Variants in SNCAIP observed in about 807,000 individuals in gnomAD.
SNCAIP encodes synuclein alpha interacting protein.
SNCAIP carries 43 observed loss-of-function variants against 86.7 expected under a neutral mutation model. The observed-to-expected ratio is 0.50, with a 90% confidence interval of 0.39 to 0.64. SNCAIP has a LOEUF of 0.64. Ranked by LOEUF, SNCAIP falls within the 30% of genes least tolerant of loss-of-function variation. SNCAIP has a pLI of 0.00. For synonymous variants in SNCAIP, 417 were observed against 427.2 expected, an observed-to-expected ratio of 0.98 and a Z score of 0.29; for missense variants, 981 against 1,103.1, an observed-to-expected ratio of 0.89 and a Z score of 1.57.
chr5:122,385,518 A>T (rs564920166), intron 1 of SNCAIP, among the ~76,000 whole-genome samples: 7 of 152,216 alleles, frequency 4.6e-5, no homozygotes, highest in Non-Finnish European at 1.0e-4. Flanking sequence ...TACTGAGCCA[A>T]CTGGGGACAA....
chr5:122,405,327 C>T (rs1772740779), intron 3 of SNCAIP, among the ~76,000 whole-genome samples: 1 of 152,168 alleles, frequency 6.6e-6, no homozygotes, highest in South Asian at 2.1e-4. Context: ...ACTTTGCAGA[C>T]ACAAGATTTT....
chr5:122,437,383 A>G (rs1016181750), intron 6 of SNCAIP: 1 of 152,216 alleles, frequency 6.6e-6, no homozygotes, highest in Non-Finnish European at 1.5e-5. Flanking sequence ...CAGAGACTCT[A>G]GCCATCTCCA....
intron 3 of SNCAIP, among the ~76,000 whole-genome samples, chr5:122,411,566 CAA>C (rs921188716): frequency 6.8e-6 from 1 of 147,364 alleles, no homozygotes; most frequent in Non-Finnish European, 1.5e-5. Context: ...ACTCTTCCCT[CAA>C]AAAAAAAAGT....
At position 122,362,278 on chromosome 5, in the gene SNCAIP, G is replaced by A. The variant is rs191988278; in HGVS notation, c.-46-28811G>A. ...GAGTCCCCACCTCTTAAAATCCTATGAGCAATAGGTGATGGAGTAGAAATT... is the reference window on the plus strand; with the variant it reads ...GAGTCCCCACCTCTTAAAATCCTATAAGCAATAGGTGATGGAGTAGAAATT... On this transcript the variant is annotated intron_variant, in intron 1 of 10. Transcript: ENST00000261368. Among the ~76,000 whole-genome samples the A allele has an allele frequency of 1.1e-3, 169 of 152,246 alleles. 1 individual carries two copies. The highest frequency in any genetic ancestry group is 3.8e-3 in the African/African-American group (156 of 41,550).
intron 2 of SNCAIP, among the ~76,000 whole-genome samples, chr5:122,402,489 T>C (rs538007131): frequency 6.6e-6 from 1 of 152,296 alleles, no homozygotes; most frequent in Non-Finnish European, 1.5e-5. Context: ...AAGGGTAATT[T>C]CCCTAATTAG....
chr5:122,401,014 A>T (rs962725803), intron 2 of SNCAIP: 8 of 1,550,168 alleles, frequency 5.2e-6, no homozygotes, highest in Non-Finnish European at 3.5e-6. Context: ...AACAGGCTAC[A>T]AAAGCTTGGA....
intron 8 of SNCAIP, among the ~76,000 whole-genome samples, chr5:122,448,649 T>TAATATATA (rs1782908670): frequency 7.5e-6 from 1 of 133,024 alleles, no homozygotes; most frequent in Non-Finnish European, 1.6e-5. Flanking sequence ...GTTATATATA[T>TAATATATA]TTTTATATAT....
chr5:122,414,465 AAG>A (rs1345317708), intron 3 of SNCAIP, among the ~76,000 whole-genome samples: 1 of 152,156 alleles, frequency 6.6e-6, no homozygotes, highest in Admixed American at 6.5e-5. Context: ...TCCTGACCTC[AAG>A]TGATCCGCCC....
rs772086388 is a variant in SNCAIP, at chr5:122,423,332, A to G, written c.595A>G (p.Ser199Gly). The change falls in exon 4 of 11, where the codon AGC (serine) becomes GGC (glycine). Residue 199 changes from serine to glycine, a missense_variant. Physicochemically the swap from Ser to Gly is moderately conservative, Grantham distance 56. Coordinates refer to ENST00000261368, the MANE Select transcript of SNCAIP (RefSeq NM_005460.4). ...GKACSTGSSE[S>G]SSSNMAPFCV... ...AGCCTGCTCTACAGGAAGTTCTGAGAGCTCATCATCCAACATGGCACCATT... is the reference window on the plus strand; with the variant it reads ...AGCCTGCTCTACAGGAAGTTCTGAGGGCTCATCATCCAACATGGCACCATT... The G allele has an allele frequency of 1.2e-6, 2 of 1,614,162 alleles. No individual in the cohort carries two copies. The highest frequency in any genetic ancestry group is 3.3e-5 in the Admixed American group (2 of 60,018).
At chr5:122,316,303 A>AT (rs1405460915) in intron 1 of SNCAIP, among the ~76,000 whole-genome samples, 1 of 152,230 alleles carries the variant, frequency 6.6e-6, no homozygotes, top group African/African-American at 2.4e-5. Context: ...TAAACTAAGC[A>AT]TACCAGGCAA....
At chr5:122,393,906 C>T (rs982130779) in intron 2 of SNCAIP, among the ~76,000 whole-genome samples, 1 of 152,144 alleles carries the variant, frequency 6.6e-6, no homozygotes, top group Non-Finnish European at 1.5e-5. Flanking sequence ...GAGACAACCT[C>T]TTAAATACTG....
At chr5:122,352,942 T>C (rs1038298485) in intron 1 of SNCAIP, among the ~76,000 whole-genome samples, 21 of 152,312 alleles carry the variant, frequency 1.4e-4, no homozygotes, top group African/African-American at 4.8e-4. Context: ...CTTTCAGTTA[T>C]TCATTGCCAG....
At chr5:122,357,476 G>A (rs886142761) in intron 1 of SNCAIP, among the ~76,000 whole-genome samples, 32 of 151,814 alleles carry the variant, frequency 2.1e-4, no homozygotes, top group African/African-American at 2.4e-5. Flanking sequence ...CCTCGTGATC[G>A]GCCCGCCTCA....
At chr5:122,411,542 T>C (rs1774125277) in intron 3 of SNCAIP, among the ~76,000 whole-genome samples, 1 of 151,894 alleles carries the variant, frequency 6.6e-6, no homozygotes, top group South Asian at 2.1e-4. Context: ...TATCCACATA[T>C]CTCCTTTGCT....
chr5:122,461,669 G>GTTTTTTT (rs55705552), intron 10 of SNCAIP, among the ~76,000 whole-genome samples: 279 of 133,230 alleles, frequency 2.1e-3, no homozygotes, highest in Non-Finnish European at 2.6e-3. Context: ...TTTTATAGCT[G>GTTTTTTT]TTTTTTTTTT....
intron 1 of SNCAIP, among the ~76,000 whole-genome samples, chr5:122,367,180 G>A (rs919731733): frequency 5.3e-5 from 8 of 152,016 alleles, no homozygotes. Context: ...TGTACACATA[G>A]GTATTAGTGG....
At chr5:122,397,921 A>G (rs1331579204) in intron 2 of SNCAIP, among the ~76,000 whole-genome samples, 1 of 152,158 alleles carries the variant, frequency 6.6e-6, no homozygotes, top group African/African-American at 2.4e-5. Context: ...AATTTTAAAC[A>G]ACAGTTGATG....
Position 122,463,430 on chromosome 5 carries a change from T to G in SNCAIP, c.2755-61T>G, listed in dbSNP as rs1208584492. On this transcript the variant is annotated intron_variant, in intron 10 of 10. Transcript: ENST00000261368. The stretch of plus-strand genomic sequence containing the variant: ...TTTTTTGGTGAGCTGTTTAGTGGTA[T>G]TGTCTTGTAACTTGACCATAGTTTT... 2.9e-5 allele frequency: 28 copies of G among 971,000 alleles called. No homozygotes were observed. In the East Asian group the frequency reaches 6.4e-4, roughly 22 times the overall value. 60.1% of individuals were successfully genotyped at this position (971,000 alleles called of 1,614,324 possible). A position where few individuals can be genotyped will look rare whatever the true frequency, so the allele number is the denominator to read the frequency against.
Position 122,444,408 on chromosome 5 carries a change from G to A in SNCAIP, c.1423-155G>A, listed in dbSNP as rs1581323813. On this transcript the variant is annotated intron_variant, in intron 7 of 10. Transcript: ENST00000261368. Reference sequence around the variant, plus strand: ...CATTGATAGTAGTAGGACTGGCTCTGCTACATCATCATAGACTCTGAAGGG... The same window carrying A: ...CATTGATAGTAGTAGGACTGGCTCTACTACATCATCATAGACTCTGAAGGG... 1.1e-5 allele frequency: 8 copies of A among 736,080 alleles called. No individual in the cohort carries two copies. The East Asian group carries it at 2.0e-4, about 19-fold the overall frequency. The allele number at this position is 736,080 out of a possible 1,614,324, so 45.6% of individuals were successfully genotyped here.
Sources: gnomAD v4.1 joint callset for allele counts (sites outside exome capture counted in the v4.1 genomes callset) on GRCh38, gnomAD v4.1.1 for gene constraint, MANE v1.5 for transcripts, NCBI Gene and HGNC (gene_info 2026-07-23, HGNC 2026-07-21) for gene names.